The following KAZN variants were observed in gnomAD, a reference collection of about 807,000 sequenced individuals.
The protein encoded by KAZN is kazrin, periplakin interacting protein, also known as kazrin.
KAZN carries 40 observed loss-of-function variants against 87.4 expected under a neutral mutation model. That is an observed-to-expected ratio of 0.46 (90% CI 0.36 to 0.60). The LOEUF (loss-of-function observed/expected upper bound fraction) is 0.60. KAZN is among the 20% of genes least tolerant of loss of function. KAZN has a pLI of 0.00. For synonymous variants in KAZN, 466 were observed against 458.3 expected (o/e 1.02, Z -0.22); for missense variants, 898 against 1,073.9 (o/e 0.84, Z 2.29).
Position 14,769,959 on chromosome 1 carries a change from ACTGAACCCTGGAGGTTGAG to A in KAZN, c.226+170738_226+170756del, listed in dbSNP as rs1303648164. ...GCCCCTCTGAGCAGGTGATGGGTAA[ACTGAACCCTGGAGGTTGAG>A]CAGGGATAAAGCCAAGTGAACAGTG... is the stretch of plus-strand genomic sequence containing the variant. On this transcript the variant is annotated intron_variant, in intron 1 of 14. Transcript: ENST00000376030. This position sits in a 1 kb window ranked among gnomAD's most constrained non-coding sequence, Gnocchi z 4.1. Among the ~76,000 whole-genome samples the A allele has an allele frequency of 6.6e-6, 1 of 152,180 alleles. No individual in the cohort carries two copies. The highest frequency in any genetic ancestry group is 1.9e-4 in the East Asian group (1 of 5,194).
intron 1 of KAZN, among the ~76,000 whole-genome samples, chr1:13,953,930 C>G (rs780404582): frequency 6.6e-6 from 1 of 152,164 alleles, no homozygotes; most frequent in African/African-American, 2.4e-5. Flanking sequence ...TCTAAAATCA[C>G]TAATATTTAA....
At chr1:14,145,925 C>G (rs951311074) in intron 1 of KAZN, among the ~76,000 whole-genome samples, 1 of 152,204 alleles carries the variant, frequency 6.6e-6, no homozygotes, top group Non-Finnish European at 1.5e-5. Context: ...CTGTCTTGCA[C>G]ATTATGACAA....
At chr1:14,646,999 C>T (rs1194371344) in intron 1 of KAZN, among the ~76,000 whole-genome samples, 2 of 152,144 alleles carry the variant, frequency 1.3e-5, no homozygotes, top group African/African-American at 4.8e-5. Context: ...TATCCTCTCT[C>T]CACACCCATG....
At chr1:15,007,351 G>A (rs1018403862) in intron 2 of KAZN, among the ~76,000 whole-genome samples, 12 of 152,226 alleles carry the variant, frequency 7.9e-5, no homozygotes, top group African/African-American at 2.9e-4. Flanking sequence ...CCCAGAACGG[G>A]CACTCCAAAT....
intron 1 of KAZN, among the ~76,000 whole-genome samples, chr1:13,935,756 T>A (rs1640704682): frequency 6.6e-6 from 1 of 152,114 alleles, no homozygotes; most frequent in Non-Finnish European, 1.5e-5. Flanking sequence ...TAGTTTGGTT[T>A]GAATTTAGTA....
chr1:14,670,824 G>A (rs1253481677), intron 1 of KAZN, among the ~76,000 whole-genome samples: 4 of 152,336 alleles, frequency 2.6e-5, no homozygotes, highest in African/African-American at 9.6e-5. Flanking sequence ...TGGTCCAGGT[G>A]CCACACTTTG....
At chr1:14,025,236 C>T (rs942136005) in intron 1 of KAZN, among the ~76,000 whole-genome samples, 3 of 152,206 alleles carry the variant, frequency 2.0e-5, no homozygotes, top group African/African-American at 7.2e-5. Flanking sequence ...TCTTACTGTT[C>T]CTCTGAAGAC....
chr1:14,176,436 C>T (rs1418801986), intron 1 of KAZN, among the ~76,000 whole-genome samples: 2 of 152,184 alleles, frequency 1.3e-5, no homozygotes, highest in South Asian at 2.1e-4. Context: ...GCTGCCACAG[C>T]TGCCACAGCT....
intron 1 of KAZN, among the ~76,000 whole-genome samples, chr1:14,781,693 C>G (rs72868476): frequency 2.0e-5 from 3 of 151,948 alleles, no homozygotes; most frequent in African/African-American, 7.3e-5. Flanking sequence ...ATCAAGAGGC[C>G]GGGGGCAGTG....
chr1:13,945,710 T>A (rs868284051), intron 1 of KAZN, among the ~76,000 whole-genome samples: 1,691 of 137,186 alleles, frequency 0.012, 33 homozygotes, highest in African/African-American at 0.045. Flanking sequence ...TGTGTGTGTG[T>A]GAGAGAGAGA....
intron 2 of KAZN, among the ~76,000 whole-genome samples, chr1:14,306,866 CAAGAT>C (rs1239781796): frequency 7.9e-5 from 12 of 152,282 alleles, no homozygotes; most frequent in African/African-American, 2.4e-4. Context: ...CTTTAAAAGA[CAAGAT>C]AAGATTTGTT....
chr1:14,056,120 G>A (rs556917552), intron 1 of KAZN, among the ~76,000 whole-genome samples: 93 of 152,310 alleles, frequency 6.1e-4, no homozygotes, highest in Non-Finnish European at 1.0e-3. Context: ...CAGCTTCATG[G>A]AGCCTCAGCT....
intron 2 of KAZN, among the ~76,000 whole-genome samples, chr1:14,420,803 G>T (rs1398160139): frequency 6.6e-6 from 1 of 151,844 alleles, no homozygotes; most frequent in African/African-American, 2.4e-5. Flanking sequence ...CCCGAGTGCG[G>T]GGCCCACCGA....
chr1:15,041,848 C>T (rs571890860), intron 3 of KAZN, among the ~76,000 whole-genome samples: 1 of 152,264 alleles, frequency 6.6e-6, no homozygotes, highest in African/African-American at 2.4e-5. Context: ...ATTGAGGCCT[C>T]TACCACACTG....
At chr1:14,094,952 T>C (rs1447486664) in intron 1 of KAZN, among the ~76,000 whole-genome samples, 1 of 152,198 alleles carries the variant, frequency 6.6e-6, no homozygotes, top group African/African-American at 2.4e-5. Flanking sequence ...GGGGCCGCAA[T>C]GTTCAAATAA....
chr1:14,611,648 C>T (rs575397296), intron 1 of KAZN, among the ~76,000 whole-genome samples: 24 of 150,584 alleles, frequency 1.6e-4, no homozygotes, highest in African/African-American at 4.9e-4. Context: ...ATGATTGCAT[C>T]GCTGCACTCC....
intron 1 of KAZN, among the ~76,000 whole-genome samples, chr1:14,903,227 A>G (rs575140266): frequency 1.1e-3 from 167 of 152,274 alleles, no homozygotes; most frequent in Admixed American, 3.3e-3. Context: ...AGTATAGGGA[A>G]GGCAAGAAAA....
At chr1:14,506,526 A>G (rs1670591962) in intron 2 of KAZN, among the ~76,000 whole-genome samples, 1 of 152,114 alleles carries the variant, frequency 6.6e-6, no homozygotes, top group Non-Finnish European at 1.5e-5. Flanking sequence ...TCTGCTGCGC[A>G]CTCACCTGTA....
chr1:15,089,170 T>TC (rs1302843688), intron 8 of KAZN, among the ~76,000 whole-genome samples: 1 of 152,126 alleles, frequency 6.6e-6, no homozygotes, highest in African/African-American at 2.4e-5. Context: ...CTTTGAACCT[T>TC]CCCCTCTTCT....
Sources: allele counts gnomAD v4.1 joint callset (sites outside exome capture counted in the v4.1 genomes callset), GRCh38; gene constraint gnomAD v4.1.1; non-coding constraint Gnocchi (gnomAD v3.1); transcripts MANE v1.5; gene names NCBI Gene and HGNC (gene_info 2026-07-23, HGNC 2026-07-21).